Variants in SCPPPQ1 observed in about 807,000 individuals in gnomAD.
The protein encoded by SCPPPQ1 is secretory calcium-binding phosphoprotein proline-glutamine rich 1.
chr4:87,464,480 T>C, the SCPPPQ1 span, among the ~76,000 whole-genome samples: 15,155 of 152,182 alleles, frequency 0.1, 808 homozygotes, highest in Non-Finnish European at 0.12. Context: ...TTATTGGGTT[T>C]GAAAAAGACT....
At chr4:87,469,551 A>G in the SCPPPQ1 span, among the ~76,000 whole-genome samples, 1 of 152,182 alleles carries the variant, frequency 6.6e-6, no homozygotes, top group African/African-American at 2.4e-5. Flanking sequence ...CGATGACTCT[A>G]AATCTGAAAT....
At chr4:87,461,205 A>C in the SCPPPQ1 span, among the ~76,000 whole-genome samples, 61 of 152,220 alleles carry the variant, frequency 4.0e-4, no homozygotes, top group Non-Finnish European at 8.1e-4. Flanking sequence ...GTTAGGTAGT[A>C]GTATTCCCAT....
chr4:87,462,841 T>C, the SCPPPQ1 span, among the ~76,000 whole-genome samples: 1 of 151,938 alleles, frequency 6.6e-6, no homozygotes, highest in African/African-American at 2.4e-5. Flanking sequence ...CTACTAAAAA[T>C]GTAAAAATTA....
the SCPPPQ1 span, among the ~76,000 whole-genome samples, chr4:87,466,392 A>C: frequency 6.6e-6 from 1 of 152,262 alleles, no homozygotes; most frequent in African/African-American, 2.4e-5. Flanking sequence ...CGAAAACAAA[A>C]AAAACAAATT....
the SCPPPQ1 span, among the ~76,000 whole-genome samples, chr4:87,465,816 A>G: frequency 0.034 from 5,243 of 152,156 alleles, 294 homozygotes; most frequent in African/African-American, 0.12. Context: ...TTCAAGAGGT[A>G]TGGTTGTTCT....
the SCPPPQ1 span, among the ~76,000 whole-genome samples, chr4:87,467,067 T>A: frequency 6.6e-6 from 1 of 152,222 alleles, no homozygotes. Flanking sequence ...AAATGTTTCA[T>A]CCATTTGTCT....
the SCPPPQ1 span, among the ~76,000 whole-genome samples, chr4:87,466,263 G>A: frequency 2.0e-5 from 3 of 151,916 alleles, no homozygotes; most frequent in Non-Finnish European, 2.9e-5. Flanking sequence ...GTGGCTACAC[G>A]GGAGGCTGAG....
At chr4:87,467,865 G>C in the SCPPPQ1 span, among the ~76,000 whole-genome samples, 1 of 152,176 alleles carries the variant, frequency 6.6e-6, no homozygotes, top group African/African-American at 2.4e-5. Context: ...GGTGGTACTT[G>C]TGGTGGGTAA....
the SCPPPQ1 span, among the ~76,000 whole-genome samples, chr4:87,470,205 A>G: frequency 6.6e-6 from 1 of 152,104 alleles, no homozygotes; most frequent in Non-Finnish European, 1.5e-5. Context: ...GCCTCAATCA[A>G]CCTTCCCACC....
At chr4:87,464,164 A>G in the SCPPPQ1 span, among the ~76,000 whole-genome samples, 1 of 152,198 alleles carries the variant, frequency 6.6e-6, no homozygotes, top group African/African-American at 2.4e-5. Flanking sequence ...ATAACAGGGC[A>G]GAATATATTT....
At chr4:87,468,777 T>C in the SCPPPQ1 span, among the ~76,000 whole-genome samples, 2 of 152,208 alleles carry the variant, frequency 1.3e-5, no homozygotes, top group South Asian at 4.1e-4. Context: ...TTAGAATTAA[T>C]GAAATATGTA....
At chr4:87,465,903 A>G in the SCPPPQ1 span, among the ~76,000 whole-genome samples, 20 of 136,272 alleles carry the variant, frequency 1.5e-4, no homozygotes, top group Middle Eastern at 3.9e-3. Context: ...CACTTTCCCT[A>G]CAGTAAGTGT....
chr4:87,465,568 A>G, the SCPPPQ1 span, among the ~76,000 whole-genome samples: 1 of 70,178 alleles, frequency 1.4e-5, no homozygotes, highest in African/African-American at 4.1e-5. Flanking sequence ...ACAAAAAAAA[A>G]AAAAAAAAAA....
chr4:87,470,365 A>G, the SCPPPQ1 span, among the ~76,000 whole-genome samples: 1 of 152,176 alleles, frequency 6.6e-6, no homozygotes, highest in Non-Finnish European at 1.5e-5. Flanking sequence ...GTAATACACA[A>G]ATAAATCCAC....
the SCPPPQ1 span, among the ~76,000 whole-genome samples, chr4:87,467,643 C>T: frequency 3.2e-3 from 488 of 152,308 alleles, 1 homozygote; most frequent in Non-Finnish European, 4.6e-3. Context: ...TTGCTAGCCC[C>T]TTGTCACGTT....
chr4:87,465,806 T>C, the SCPPPQ1 span, among the ~76,000 whole-genome samples: 1 of 152,134 alleles, frequency 6.6e-6, no homozygotes, highest in Non-Finnish European at 1.5e-5. Flanking sequence ...AATATTTTCT[T>C]TCAAGAGGTA....
the SCPPPQ1 span, among the ~76,000 whole-genome samples, chr4:87,462,919 G>GC: frequency 1.3e-5 from 2 of 149,412 alleles, no homozygotes; most frequent in African/African-American, 2.5e-5. Context: ...AATCGCTTGA[G>GC]CCTGGGGGGG....
the SCPPPQ1 span, among the ~76,000 whole-genome samples, chr4:87,467,461 A>G: frequency 6.6e-6 from 1 of 152,234 alleles, no homozygotes; most frequent in African/African-American, 2.4e-5. Context: ...CTTCTTAGAG[A>G]AAGAAAGCAA....
At chr4:87,461,908 CAT>C in the SCPPPQ1 span, 1 of 152,124 alleles carries the variant, frequency 6.6e-6, no homozygotes, top group South Asian at 2.1e-4. Flanking sequence ...CAATTAAACT[CAT>C]GATAAAAATA....
Sources: gnomAD v4.1 joint callset for allele counts (sites outside exome capture counted in the v4.1 genomes callset) on GRCh38, gnomAD v4.1.1 for gene constraint, MANE v1.5 for transcripts, NCBI Gene and HGNC (gene_info 2026-07-23, HGNC 2026-07-21) for gene names.